The following C1orf21 variants were observed in gnomAD, a reference collection of about 807,000 sequenced individuals.
C1orf21 encodes chromosome 1 open reading frame 21, also known as uncharacterized protein C1orf21.
Under a neutral mutation model 18.7 loss-of-function variants are expected in C1orf21, and 3 were observed. The ratio of observed to expected loss-of-function variants is 0.16; its 90% CI spans 0.07 to 0.42. The LOEUF is 0.42. Ranked by LOEUF, C1orf21 falls within the 10% of genes least tolerant of loss-of-function variation. The pLI, the probability that C1orf21 is intolerant of heterozygous loss-of-function variation, is 0.99. For synonymous variants in C1orf21, 41 were observed against 46.4 expected (o/e 0.88, Z 0.47); for missense variants, 104 against 143.6 (o/e 0.72, Z 1.41).
chr1:184,389,634 A>G (rs1655938728), intron 1 of C1orf21, among the ~76,000 whole-genome samples: 1 of 152,194 alleles, frequency 6.6e-6, no homozygotes, highest in African/African-American at 2.4e-5. Flanking sequence ...GGTTTGCTCT[A>G]TTATAATTTC....
intron 3 of C1orf21, among the ~76,000 whole-genome samples, chr1:184,552,134 T>A (rs1053630406): frequency 6.6e-6 from 1 of 152,116 alleles, no homozygotes; most frequent in Non-Finnish European, 1.5e-5. Context: ...AATACCATAG[T>A]AACTGCAACA....
intron 1 of C1orf21, among the ~76,000 whole-genome samples, chr1:184,431,614 C>G (rs1471309148): frequency 2.6e-5 from 4 of 152,144 alleles, no homozygotes; most frequent in African/African-American, 9.7e-5. Context: ...CCAAAATTGA[C>G]AAACGGGATC....
chr1:184,410,328 C>T (rs1176844924), intron 1 of C1orf21, among the ~76,000 whole-genome samples: 1 of 151,614 alleles, frequency 6.6e-6, no homozygotes, highest in Non-Finnish European at 1.5e-5. Flanking sequence ...TACTTTTGTC[C>T]TAACTTTTGA....
At chr1:184,435,894 G>T (rs1442874029) in intron 1 of C1orf21, among the ~76,000 whole-genome samples, 1 of 152,240 alleles carries the variant, frequency 6.6e-6, no homozygotes, top group African/African-American at 2.4e-5. Flanking sequence ...CTAAAATTAA[G>T]CAGAAAGAGG....
At chr1:184,449,689 C>T (rs573208165) in intron 1 of C1orf21, among the ~76,000 whole-genome samples, 3 of 152,174 alleles carry the variant, frequency 2.0e-5, no homozygotes, top group Admixed American at 1.3e-4. Context: ...TTAAGTCTTC[C>T]AAGAACGGTT....
chr1:184,551,647 T>C (rs993684606), intron 3 of C1orf21, among the ~76,000 whole-genome samples: 1 of 152,186 alleles, frequency 6.6e-6, no homozygotes, highest in African/African-American at 2.4e-5. Context: ...CCCGTGCCAA[T>C]CTACCGTGTT....
At chr1:184,583,830 T>A (rs1283329177) in intron 3 of C1orf21, among the ~76,000 whole-genome samples, 1 of 152,202 alleles carries the variant, frequency 6.6e-6, no homozygotes, top group East Asian at 1.9e-4. Context: ...AAAGCCTTTA[T>A]CTTAGTCGCA....
At chr1:184,586,429 G>A (rs1659354153) in intron 3 of C1orf21, among the ~76,000 whole-genome samples, 2 of 151,842 alleles carry the variant, frequency 1.3e-5, no homozygotes, top group African/African-American at 2.4e-5. Context: ...GACTACAGGC[G>A]CCCGCCACCT....
chr1:184,568,681 A>G (rs1659067605), intron 3 of C1orf21, among the ~76,000 whole-genome samples: 1 of 152,196 alleles, frequency 6.6e-6, no homozygotes, highest in African/African-American at 2.4e-5. Flanking sequence ...GATGGTGCCC[A>G]TGCACTGGGG....
chr1:184,575,708 A>T (rs2180075), intron 3 of C1orf21, among the ~76,000 whole-genome samples: 6 of 151,698 alleles, frequency 4.0e-5, no homozygotes, highest in East Asian at 1.9e-4. Context: ...TAGAAAAAAA[A>T]TTTTAATACA....
intron 1 of C1orf21, among the ~76,000 whole-genome samples, chr1:184,468,977 G>A (rs948641843): frequency 6.6e-6 from 1 of 152,090 alleles, no homozygotes; most frequent in African/African-American, 2.4e-5. Flanking sequence ...GCTCATGCCT[G>A]TAGTCCCAGC....
At chr1:184,464,561 G>A (rs1045259926) in intron 1 of C1orf21, among the ~76,000 whole-genome samples, 3 of 152,234 alleles carry the variant, frequency 2.0e-5, no homozygotes, top group Non-Finnish European at 4.4e-5. Context: ...TAGCAAGAGA[G>A]ACAAATACAG....
At chr1:184,613,716 C>G (rs1309611639) in intron 5 of C1orf21, among the ~76,000 whole-genome samples, 1 of 152,138 alleles carries the variant, frequency 6.6e-6, no homozygotes, top group African/African-American at 2.4e-5. Context: ...GGATATGGGC[C>G]ACACGAGGAC....
chr1:184,551,800 A>G (rs1458976858), intron 3 of C1orf21, among the ~76,000 whole-genome samples: 3 of 152,130 alleles, frequency 2.0e-5, no homozygotes, highest in African/African-American at 7.2e-5. Flanking sequence ...CGAGGCTAGG[A>G]GTTTGAGACC....
intron 3 of C1orf21, among the ~76,000 whole-genome samples, chr1:184,561,202 T>G (rs1658958589): frequency 6.6e-6 from 1 of 152,174 alleles, no homozygotes; most frequent in Non-Finnish European, 1.5e-5. Flanking sequence ...GAAGGCATTT[T>G]AATGTGTTGC....
chr1:184,605,803 T>C (rs1219278035), intron 5 of C1orf21, among the ~76,000 whole-genome samples: 1 of 152,194 alleles, frequency 6.6e-6, no homozygotes, highest in Non-Finnish European at 1.5e-5. Flanking sequence ...GAGTCTCCAG[T>C]AGTGTTTGCT....
chr1:184,483,229 A>C (rs112491708), intron 2 of C1orf21, among the ~76,000 whole-genome samples: 2 of 152,218 alleles, frequency 1.3e-5, no homozygotes, highest in South Asian at 4.1e-4. Flanking sequence ...TTCAGAGGAC[A>C]GCTGAGCAGA....
chr1:184,492,182 G>A (rs549272884), intron 2 of C1orf21, among the ~76,000 whole-genome samples: 44 of 152,362 alleles, frequency 2.9e-4, no homozygotes, highest in Non-Finnish European at 5.3e-4. Context: ...AGTGAGCCCA[G>A]TTTATAGAGA....
chr1:184,586,732 A>AGTTTTTT (rs1468096809), intron 3 of C1orf21, among the ~76,000 whole-genome samples: 1 of 152,000 alleles, frequency 6.6e-6, no homozygotes, highest in Non-Finnish European at 1.5e-5. Context: ...CTCTGATGAT[A>AGTTTTTT]GTTTTTTGTT....
Sources: allele counts gnomAD v4.1 joint callset (sites outside exome capture counted in the v4.1 genomes callset), GRCh38; gene constraint gnomAD v4.1.1; transcripts MANE v1.5; gene names NCBI Gene and HGNC (gene_info 2026-07-23, HGNC 2026-07-21).